Variants in CSMD1 observed in about 807,000 individuals in gnomAD.
The protein encoded by CSMD1 is CUB and Sushi multiple domains 1.
CSMD1 carries 213 observed loss-of-function variants against 417.5 expected under a neutral mutation model. The ratio of observed to expected loss-of-function variants is 0.51; its 90% CI spans 0.46 to 0.57. The LOEUF (loss-of-function observed/expected upper bound fraction) is 0.57, where lower values mean the gene tolerates loss of function less well. Among genes scored for constraint, CSMD1 ranks in the 20% least tolerant of loss-of-function variants. The pLI is 0.00. For missense variants in CSMD1, 6,923 were observed against 4,529.7 expected (o/e 1.53, Z -15.17); for synonymous variants, 2,862 against 1,736.8 (o/e 1.65, Z -16.11).
chr8:4,946,555 G>A (rs963586457), intron 1 of CSMD1, among the ~76,000 whole-genome samples: 1 of 152,136 alleles, frequency 6.6e-6, no homozygotes, highest in Non-Finnish European at 1.5e-5. Context: ...CCTTATGAAG[G>A]ATTCTGACTC....
At chr8:3,242,083 G>C (rs1799569577) in intron 26 of CSMD1, among the ~76,000 whole-genome samples, 1 of 139,530 alleles carries the variant, frequency 7.2e-6, no homozygotes, top group Non-Finnish European at 1.6e-5. Context: ...AACACTATCT[G>C]ATTTGGGATA....
At chr8:3,767,787 C>A (rs1326793742) in intron 5 of CSMD1, among the ~76,000 whole-genome samples, 2 of 152,170 alleles carry the variant, frequency 1.3e-5, no homozygotes, top group African/African-American at 4.8e-5. Context: ...GTGCTCTCAT[C>A]TTCTCACGTA....
At chr8:4,972,401 T>C (rs1466174443) in intron 1 of CSMD1, among the ~76,000 whole-genome samples, 1 of 152,148 alleles carries the variant, frequency 6.6e-6, no homozygotes, top group Non-Finnish European at 1.5e-5. Context: ...GTTCTCATGA[T>C]AGCAAGTGAA....
intron 3 of CSMD1, among the ~76,000 whole-genome samples, chr8:4,395,264 T>A (rs1025490339): frequency 6.6e-6 from 1 of 152,202 alleles, no homozygotes; most frequent in Non-Finnish European, 1.5e-5. Context: ...TCTCTCTTAC[T>A]CCAGAACTAC....
intron 3 of CSMD1, among the ~76,000 whole-genome samples, chr8:4,398,120 C>T (rs1210448121): frequency 1.3e-5 from 2 of 152,052 alleles, no homozygotes; most frequent in Non-Finnish European, 2.9e-5. Context: ...TTGCTAATGC[C>T]ACATCTGGCA....
intron 12 of CSMD1, among the ~76,000 whole-genome samples, chr8:3,453,250 T>C (rs566327603): frequency 5.9e-5 from 9 of 152,060 alleles, no homozygotes; most frequent in Non-Finnish European, 1.3e-4. Flanking sequence ...TTTGTTGATC[T>C]TTTCAAAAAA....
chr8:3,088,399 T>C (rs1814692036), intron 48 of CSMD1, among the ~76,000 whole-genome samples: 1 of 152,188 alleles, frequency 6.6e-6, no homozygotes, highest in Non-Finnish European at 1.5e-5. Flanking sequence ...GAATTTTAGA[T>C]CTTCCACTTC....
At chr8:3,748,990 T>A (rs918780770) in intron 6 of CSMD1, among the ~76,000 whole-genome samples, 1 of 152,234 alleles carries the variant, frequency 6.6e-6, no homozygotes, top group African/African-American at 2.4e-5. Context: ...AATGGGAATT[T>A]CATTTTATGA....
intron 1 of CSMD1, among the ~76,000 whole-genome samples, chr8:4,909,367 C>T (rs1237814043): frequency 6.6e-6 from 1 of 152,098 alleles, no homozygotes; most frequent in Non-Finnish European, 1.5e-5. Flanking sequence ...TTATAGAAAT[C>T]CCATTTTATT....
chr8:4,849,030 G>T (rs553651600), intron 1 of CSMD1, among the ~76,000 whole-genome samples: 15 of 152,222 alleles, frequency 9.9e-5, no homozygotes, highest in Non-Finnish European at 1.9e-4. Context: ...GGAGATGACA[G>T]CTCTACACCT....
At chr8:4,626,733 A>G (rs1273153259) in intron 2 of CSMD1, among the ~76,000 whole-genome samples, 1 of 152,080 alleles carries the variant, frequency 6.6e-6, no homozygotes, top group Non-Finnish European at 1.5e-5. Context: ...CAGTTCAAGG[A>G]TGCCCCAAAG....
chr8:4,115,245 T>G (rs917113154), intron 3 of CSMD1, among the ~76,000 whole-genome samples: 8 of 152,202 alleles, frequency 5.3e-5, no homozygotes, highest in Non-Finnish European at 1.5e-5. Flanking sequence ...GAGCTTCCAG[T>G]AGCAAAAAGA....
chr8:3,783,658 G>T (rs186633887), intron 5 of CSMD1, among the ~76,000 whole-genome samples: 37 of 152,330 alleles, frequency 2.4e-4, no homozygotes, highest in African/African-American at 8.9e-4. Flanking sequence ...AAACATGGTT[G>T]AAGCACCCTG....
chr8:3,219,180 T>C, intron 29 of CSMD1, 75 bp downstream of exon 29: 6 of 1,237,506 alleles, frequency 4.8e-6, no homozygotes, highest in Non-Finnish European at 6.9e-6. Flanking sequence ...AAGCAAGATG[T>C]TACAAAGCAA....
intron 23 of CSMD1, among the ~76,000 whole-genome samples, chr8:3,325,671 G>C (rs1195989903): frequency 6.6e-6 from 1 of 151,948 alleles, no homozygotes; most frequent in Non-Finnish European, 1.5e-5. Flanking sequence ...TAAAAATACA[G>C]AAGTTAGCTG....
intron 3 of CSMD1, among the ~76,000 whole-genome samples, chr8:4,352,109 A>C (rs535527592): frequency 9.2e-5 from 14 of 152,310 alleles, no homozygotes; most frequent in Admixed American, 8.5e-4. Context: ...TTTGTAAATT[A>C]GAGAATGAGG....
chr8:4,171,392 T>C (rs892386023), intron 3 of CSMD1, among the ~76,000 whole-genome samples: 3 of 151,902 alleles, frequency 2.0e-5, no homozygotes, highest in Non-Finnish European at 2.9e-5. Context: ...ATGGTATTTA[T>C]TGTGAATATT....
chr8:4,470,380 CTTATTT>C lies in CSMD1; in HGVS notation c.303-50321_303-50316del, dbSNP rs368125618. Among the ~76,000 whole-genome samples the C allele has an allele frequency of 1.4e-4, 22 of 152,312 alleles. 1 individual carries two copies. Among genetic ancestry groups the C allele is most frequent in the African/African-American group, 3.1e-4 (13 of 41,582 alleles). On this transcript the variant is annotated intron_variant, in intron 2 of 69. Coordinates refer to ENST00000635120, the MANE Select transcript of CSMD1 (RefSeq NM_033225.6). ...TCCCAATGCTTCCTCTCTCTTCCCT[CTTATTT>C]TTATCTGTAGAATTATCACCTGACA...
rs556636068 is a variant in CSMD1 at position 4,422,233 on chromosome 8, TAC to T, written c.303-2170_303-2169del. ...CACTTTAAAGAATTAACACTAATTC[TAC>T]ACAGTCTCTTCCAGAAAGTGTAAGT... On this transcript the variant is annotated intron_variant, in intron 2 of 69. Transcript: ENST00000635120. Among the ~76,000 whole-genome samples the T allele has an allele frequency of 3.4e-3, 525 of 152,254 alleles. 1 individual carries two copies. Among genetic ancestry groups the T allele is most frequent in the African/African-American group, 8.6e-3 (357 of 41,558 alleles).
Sources: gnomAD v4.1 joint callset for allele counts (sites outside exome capture counted in the v4.1 genomes callset) on GRCh38, gnomAD v4.1.1 for gene constraint, MANE v1.5 for transcripts, NCBI Gene and HGNC (gene_info 2026-07-23, HGNC 2026-07-21) for gene names.